Variants in AHCTF1 observed in about 807,000 individuals in gnomAD.
AHCTF1 encodes the protein protein ELYS.
AHCTF1 carries 24 observed loss-of-function variants against 248.4 expected under a neutral mutation model. The ratio of observed to expected loss-of-function variants is 0.10; its 90% CI spans 0.07 to 0.14. The LOEUF (loss-of-function observed/expected upper bound fraction) is 0.14, where lower values mean the gene tolerates loss of function less well. Among genes scored for constraint, AHCTF1 ranks in the 10% least tolerant of loss-of-function variants. The pLI is 1.00. For synonymous variants in AHCTF1, 786 were observed against 929.8 expected (o/e 0.85, Z 2.81); for missense variants, 2,206 against 2,636.2 (o/e 0.84, Z 3.57).
chr1:246,858,283 G>A (rs548680632), intron 29 of AHCTF1, among the ~76,000 whole-genome samples: 8 of 152,112 alleles, frequency 5.3e-5, no homozygotes, highest in African/African-American at 1.7e-4. Context: ...CTAATTCTCT[G>A]AACCTAGCTC....
chr1:246,886,317 C>A (rs761003741), intron 20 of AHCTF1, among the ~76,000 whole-genome samples: 5 of 151,674 alleles, frequency 3.3e-5, no homozygotes, highest in Non-Finnish European at 7.4e-5. Context: ...GGTGACAGAG[C>A]GAGACTCCAT....
intron 24 of AHCTF1, among the ~76,000 whole-genome samples, chr1:246,873,664 T>C (rs1216763165): frequency 6.6e-6 from 1 of 151,936 alleles, no homozygotes; most frequent in Non-Finnish European, 1.5e-5. Flanking sequence ...TCGATTTCTC[T>C]TGCATCACAG....
chr1:246,885,426 T>TA, intron 21 of AHCTF1, 67 bp downstream of exon 21: 1 of 1,354,612 alleles, frequency 7.4e-7, no homozygotes, highest in South Asian at 1.5e-5. Flanking sequence ...TGCCACTGTC[T>TA]ATCTCATCAA....
At chr1:246,927,585 A>T (rs1275948398) in intron 1 of AHCTF1, among the ~76,000 whole-genome samples, 1 of 152,242 alleles carries the variant, frequency 6.6e-6, no homozygotes, top group Non-Finnish European at 1.5e-5. Context: ...GTACAAAATT[A>T]AACAGAATCC....
intron 14 of AHCTF1, among the ~76,000 whole-genome samples, chr1:246,892,301 CTTTTTTTTT>C (rs74163502): frequency 3.5e-4 from 23 of 64,966 alleles, no homozygotes; most frequent in South Asian, 1.4e-3. Context: ...ATTTGTTTTA[CTTTTTTTTT>C]TTTTTTTTTT....
chr1:246,921,236 A>C (rs974215422), intron 1 of AHCTF1, among the ~76,000 whole-genome samples: 4 of 152,194 alleles, frequency 2.6e-5, no homozygotes, highest in Non-Finnish European at 4.4e-5. Flanking sequence ...AAAACAAAGA[A>C]AAAATAAACA....
At chr1:246,867,582 G>C (rs1662075276) in intron 25 of AHCTF1, 79 bp downstream of exon 25, 20 of 1,511,956 alleles carry the variant, frequency 1.3e-5, no homozygotes, top group Non-Finnish European at 1.7e-5. Context: ...GGCAAAGAGA[G>C]TGGATTGTTG....
At chr1:246,904,636 G>A (rs553763391) in intron 6 of AHCTF1, among the ~76,000 whole-genome samples, 11 of 152,206 alleles carry the variant, frequency 7.2e-5, no homozygotes, top group Admixed American at 2.0e-4. Flanking sequence ...TGTTGCCCTC[G>A]ACCATGAGAG....
intron 31 of AHCTF1, among the ~76,000 whole-genome samples, chr1:246,854,340 A>C (rs958114523): frequency 1.3e-5 from 2 of 152,026 alleles, no homozygotes; most frequent in African/African-American, 4.8e-5. Context: ...TCTGGACCCA[A>C]CAAGTCCATG....
At chr1:246,875,407 TGTAGA>T (rs1419402959) in intron 24 of AHCTF1, among the ~76,000 whole-genome samples, 5 of 152,248 alleles carry the variant, frequency 3.3e-5, no homozygotes, top group African/African-American at 1.2e-4. Flanking sequence ...CCTGCCTTCT[TGTAGA>T]GTAGTTTGTT....
intron 1 of AHCTF1, among the ~76,000 whole-genome samples, chr1:246,926,102 T>C (rs1465624462): frequency 2.0e-5 from 3 of 150,724 alleles, no homozygotes; most frequent in African/African-American, 7.3e-5. Flanking sequence ...TCTCATCATG[T>C]GAGTATCCTG....
intron 29 of AHCTF1, 98 bp downstream of exon 29, chr1:246,860,801 C>A: frequency 2.0e-6 from 3 of 1,469,946 alleles, no homozygotes; most frequent in Non-Finnish European, 2.8e-6. Context: ...GCCACAGTAC[C>A]TGGCTAGGAT....
At chr1:246,911,738 C>A (rs1251446452) in intron 4 of AHCTF1, among the ~76,000 whole-genome samples, 2 of 152,140 alleles carry the variant, frequency 1.3e-5, no homozygotes, top group Admixed American at 1.3e-4. Context: ...CCCGCCTTGG[C>A]CTCCCAAAGT....
At chr1:246,861,353 C>A in intron 28 of AHCTF1, 58 bp from the exon 29 acceptor site, 1 of 1,404,934 alleles carries the variant, frequency 7.1e-7, no homozygotes, top group Non-Finnish European at 9.6e-7. Flanking sequence ...TAAGTCTAGT[C>A]CTAAGCTACC....
In AHCTF1 at chr1:246,890,990, C is replaced by G; in HGVS notation, c.2016G>C (p.Trp672Cys). Residue 672 changes from tryptophan to cysteine, a missense_variant, in exon 16 of 36, where the codon TGG becomes TGC. Trp to Cys is a radical substitution (Grantham distance 215, BLOSUM62 -2). This residue lies in a region of AHCTF1 where 650 missense variants were observed against 870.8 expected (regional missense o/e 0.75). Transcript: ENST00000648844. ...LICQYAQVVL[W>C]FSHSGLLPEG... is the part of the protein sequence containing the mutation. ...CTGGTAAAAGCCCAGAATGAGAGAA[C>G]CAAAGAACCACTTGTGCATACTGAC... is the stretch of plus-strand genomic sequence containing the variant. 2 of 1,549,918 alleles carry G rather than the reference C, an allele frequency of 1.3e-6. No homozygotes were observed. Among genetic ancestry groups the G allele is most frequent in the Non-Finnish European group, 1.7e-6 (2 of 1,154,702 alleles).
rs370404844 is a variant in AHCTF1 at position 246,877,146 on chromosome 1, G to A, written c.2805+12C>T. 6.8e-5 allele frequency: 109 copies of A among 1,612,232 alleles called. No individual in the cohort carries two copies. Among genetic ancestry groups the A allele is most frequent in the Non-Finnish European group, 9.0e-5 (106 of 1,179,690 alleles). ...TTGAATTTCTGACAAGTTTACATCG[G>A]TAAGTAATTACCTGCTCAGTGTCTG... On this transcript the variant is annotated intron_variant, in intron 22 of 35. Transcript: ENST00000648844.
intron 26 of AHCTF1, among the ~76,000 whole-genome samples, chr1:246,866,595 T>C (rs1661998532): frequency 6.6e-6 from 1 of 152,166 alleles, no homozygotes; most frequent in Non-Finnish European, 1.5e-5. Context: ...GTAATGATTA[T>C]TTATAATCAT....
intron 34 of AHCTF1, among the ~76,000 whole-genome samples, chr1:246,843,238 T>C (rs1660005670): frequency 6.6e-6 from 1 of 152,256 alleles, no homozygotes; most frequent in Non-Finnish European, 1.5e-5. Context: ...TTGGGAGGAA[T>C]GCCTGTCTCC....
chr1:246,929,396 G>A (rs1667167714), intron 1 of AHCTF1, among the ~76,000 whole-genome samples: 2 of 147,916 alleles, frequency 1.4e-5, no homozygotes, highest in Non-Finnish European at 2.9e-5. Flanking sequence ...GCTACAAAGT[G>A]AGACTCCGTC....
Sources: gnomAD v4.1 joint callset for allele counts (sites outside exome capture counted in the v4.1 genomes callset) on GRCh38, gnomAD v4.1.1 for gene constraint, gnomAD v4.1.1 regional missense constraint, MANE v1.5 for transcripts, NCBI Gene and HGNC (gene_info 2026-07-23, HGNC 2026-07-21) for gene names.